The following MARCHF10 variants were observed in gnomAD, a reference collection of about 807,000 sequenced individuals.
The protein encoded by MARCHF10 is membrane associated ring-CH-type finger 10.
Under a neutral mutation model 76.2 loss-of-function variants are expected in MARCHF10, and 64 were observed. The ratio of observed to expected loss-of-function variants is 0.84; its 90% CI spans 0.69 to 1.03. The LOEUF (loss-of-function observed/expected upper bound fraction) is 1.03. Ranked by LOEUF, MARCHF10 falls within the 50% of genes least tolerant of loss-of-function variation. MARCHF10 has a pLI of 0.00. For missense variants in MARCHF10, 875 were observed against 958.0 expected (o/e 0.91, Z 1.14); for synonymous variants, 340 against 357.5 (o/e 0.95, Z 0.55).
intron 2 of MARCHF10, among the ~76,000 whole-genome samples, chr17:62,795,328 C>G (rs1289392020): frequency 8.1e-6 from 1 of 123,412 alleles, no homozygotes; most frequent in Non-Finnish European, 1.6e-5. Context: ...TGGCTAAATT[C>G]TGCCTCCAGT....
intron 3 of MARCHF10, among the ~76,000 whole-genome samples, chr17:62,778,909 G>C (rs1196766105): frequency 6.6e-6 from 1 of 152,118 alleles, no homozygotes; most frequent in East Asian, 1.9e-4. Context: ...AATTTGAGGG[G>C]AGATGATGAT....
At chr17:62,750,695 C>G (rs138019350) in intron 4 of MARCHF10, among the ~76,000 whole-genome samples, 13 of 152,198 alleles carry the variant, frequency 8.5e-5, no homozygotes, top group African/African-American at 3.1e-4. Flanking sequence ...TAGATCTCAG[C>G]GTCACTGCGG....
At chr17:62,734,570 C>G (rs2091179787) in intron 6 of MARCHF10, among the ~76,000 whole-genome samples, 1 of 152,062 alleles carries the variant, frequency 6.6e-6, no homozygotes, top group African/African-American at 2.4e-5. Context: ...AAAATAATAT[C>G]AACAGATACT....
At chr17:62,786,130 C>T (rs886690238) in intron 3 of MARCHF10, among the ~76,000 whole-genome samples, 21 of 152,136 alleles carry the variant, frequency 1.4e-4, no homozygotes, top group African/African-American at 5.1e-4. Flanking sequence ...TTGGAACCAA[C>T]CCAAATGTCC....
intron 2 of MARCHF10, among the ~76,000 whole-genome samples, chr17:62,797,919 G>GA (rs397796797): frequency 2.0e-5 from 3 of 151,902 alleles, no homozygotes; most frequent in African/African-American, 7.3e-5. Context: ...GGTATACTTG[G>GA]CAGGACTTGG....
chr17:62,724,323 G>A (rs547811105), intron 7 of MARCHF10, among the ~76,000 whole-genome samples: 27 of 152,096 alleles, frequency 1.8e-4, no homozygotes, highest in African/African-American at 5.5e-4. Flanking sequence ...TCAGGGAGTT[G>A]AGAAGGTGCC....
intron 3 of MARCHF10, among the ~76,000 whole-genome samples, chr17:62,767,061 C>T (rs921302223): frequency 1.3e-5 from 2 of 152,068 alleles, no homozygotes; most frequent in East Asian, 1.9e-4. Flanking sequence ...AAAGAGCAGG[C>T]GTGATTCTAG....
In MARCHF10 at chr17:62,735,976, C is replaced by T. The variant is rs771464426; in HGVS notation, c.1892G>A (p.Ser631Asn). Residue 631 changes from serine (S) to asparagine (N), a missense_variant, in exon 6 of 11, where the codon AGT becomes AAT. Transcript: ENST00000311269. ...TTTCTCAGGGTCTGCCTTTATCTTA[C>T]TGGTTTCCTTTTCATCTGTGAAACC... ...ASGFTDEKET[S>N]KIKADPEKLK... 1 of 1,613,504 alleles carries T rather than the reference C, an allele frequency of 6.2e-7. No individual in the cohort carries two copies.
chr17:62,703,712 G>A (rs2089388023), intron 10 of MARCHF10, among the ~76,000 whole-genome samples: 1 of 152,212 alleles, frequency 6.6e-6, no homozygotes, highest in African/African-American at 2.4e-5. Flanking sequence ...ACAAATGAGT[G>A]TGGGTCGCTC....
chr17:62,737,411 T>C (rs2091322335), intron 5 of MARCHF10, 79 bp from the exon 6 acceptor site: 3 of 1,395,672 alleles, frequency 2.1e-6, no homozygotes, highest in Non-Finnish European at 3.0e-6. Flanking sequence ...AGTGCAAAAT[T>C]GCCCTTTAAA....
intron 5 of MARCHF10, among the ~76,000 whole-genome samples, chr17:62,739,276 G>A (rs1201305967): frequency 6.6e-6 from 1 of 152,104 alleles, no homozygotes; most frequent in African/African-American, 2.4e-5. Flanking sequence ...TCCAGCCTGG[G>A]CAACAGAGTG....
At chr17:62,801,838 T>C in intron 1 of MARCHF10, 86 bp from the exon 2 acceptor site, 2 of 969,546 alleles carry the variant, frequency 2.1e-6, no homozygotes, top group South Asian at 2.6e-5. Context: ...TAATTGCTTT[T>C]ATTTGTGTAT....
At chr17:62,743,268 A>G (rs1427803046) in intron 5 of MARCHF10, among the ~76,000 whole-genome samples, 1 of 152,154 alleles carries the variant, frequency 6.6e-6, no homozygotes, top group Non-Finnish European at 1.5e-5. Flanking sequence ...CTTGCTGCAG[A>G]CTCATATATG....
At chr17:62,704,650 T>G (rs1350494717) in intron 10 of MARCHF10, among the ~76,000 whole-genome samples, 6 of 152,238 alleles carry the variant, frequency 3.9e-5, no homozygotes, top group Non-Finnish European at 8.8e-5. Flanking sequence ...GGGTCCGGTG[T>G]GAACACGATT....
intron 8 of MARCHF10, among the ~76,000 whole-genome samples, chr17:62,715,883 A>G (rs1334584691): frequency 6.6e-6 from 1 of 152,152 alleles, no homozygotes; most frequent in African/African-American, 2.4e-5. Flanking sequence ...GTACAGAACT[A>G]AGGTAGGAAA....
At chr17:62,743,819 C>T (rs1364776271) in intron 5 of MARCHF10, among the ~76,000 whole-genome samples, 2 of 152,132 alleles carry the variant, frequency 1.3e-5, no homozygotes, top group Non-Finnish European at 2.9e-5. Flanking sequence ...GGGAATAAAG[C>T]ATAGATTCGT....
chr17:62,772,187 G>A (rs1244035023), intron 3 of MARCHF10, among the ~76,000 whole-genome samples: 1 of 152,154 alleles, frequency 6.6e-6, no homozygotes, highest in Non-Finnish European at 1.5e-5. Flanking sequence ...CCCGGTGGGA[G>A]GTAATTAAAT....
At chr17:62,775,606 T>G (rs916046364) in intron 3 of MARCHF10, among the ~76,000 whole-genome samples, 1 of 151,890 alleles carries the variant, frequency 6.6e-6, no homozygotes, top group Admixed American at 6.5e-5. Context: ...TTTTTAAATT[T>G]AAAAAATTTT....
At chr17:62,765,750 A>G (rs189537511) in intron 3 of MARCHF10, among the ~76,000 whole-genome samples, 4 of 152,282 alleles carry the variant, frequency 2.6e-5, no homozygotes, top group Admixed American at 2.6e-4. Context: ...TGCAGAAATC[A>G]CTGTTCAGTT....
Sources: gnomAD v4.1 joint callset for allele counts (sites outside exome capture counted in the v4.1 genomes callset) on GRCh38, gnomAD v4.1.1 for gene constraint, MANE v1.5 for transcripts, NCBI Gene and HGNC (gene_info 2026-07-23, HGNC 2026-07-21) for gene names.